Variants in TTC34 observed in about 807,000 individuals in gnomAD.
The protein encoded by TTC34 is tetratricopeptide repeat protein 34.
In TTC34, 44 loss-of-function variants were observed where a neutral mutation model predicts 40.7. The observed-to-expected ratio is 1.08, with a 90% CI of 0.85 to 1.39. TTC34 has a LOEUF of 1.39. Ranked by LOEUF, TTC34 falls within the 40% of genes most tolerant of loss-of-function variation. The probability of loss-of-function intolerance (pLI) is 0.00; values close to 1 mark genes in which losing one functional copy is unlikely to be tolerated. For missense variants in TTC34, 884 were observed against 838.0 expected (o/e 1.05, Z -0.68); for synonymous variants, 422 against 398.6 (o/e 1.06, Z -0.70).
At position 2,752,304 on chromosome 1, in the gene TTC34, T is replaced by C. The variant is rs1296242900; in HGVS notation, c.2226+31305A>G. Among the ~76,000 whole-genome samples the C allele has an allele frequency of 1.8e-4, 20 of 113,160 alleles. 3 individuals carry two copies. The South Asian group carries it at 2.2e-3, about 13-fold the overall frequency. 74.2% of individuals were successfully genotyped at this position (113,160 alleles called of 152,430 possible). Reference sequence around the variant, plus strand: ...AGCACCTTGCACCCCCAGGGGAGCATCTGACAGCCTGGAACAGCACGCACA... The same window carrying C: ...AGCACCTTGCACCCCCAGGGGAGCACCTGACAGCCTGGAACAGCACGCACA... On this transcript the variant is annotated intron_variant, in intron 6 of 8. Coordinates refer to ENST00000401095, the Ensembl canonical transcript of TTC34.
At chr1:2,751,692 A>AC (rs1641325860) in intron 6 of TTC34, among the ~76,000 whole-genome samples, 3 of 149,484 alleles carry the variant, frequency 2.0e-5, no homozygotes, top group Non-Finnish European at 3.0e-5. Flanking sequence ...CCACAACCCC[A>AC]AGCGAGCATC....
chr1:2,790,131 C>T (rs1312213377), exon 3 of TTC34: 4 of 398,216 alleles, frequency 1.0e-5, no homozygotes, highest in African/African-American at 4.1e-5. Flanking sequence ...CGCACGGCTT[C>T]CTGGAAGCGG....
intron 4 of TTC34, 22 bp from the exon 5 acceptor site, chr1:2,786,045 T>C (rs1287034421): frequency 6.9e-7 from 1 of 1,443,656 alleles, no homozygotes. Context: ...CCACAGTCAC[T>C]GCCCATGCCC....
intron 6 of TTC34, among the ~76,000 whole-genome samples, chr1:2,781,713 G>A (rs1204189401): frequency 6.6e-6 from 1 of 152,106 alleles, no homozygotes; most frequent in Non-Finnish European, 1.5e-5. Flanking sequence ...AGTTTGTTGA[G>A]TATTCTTATC....
rs1641424193 is a variant in TTC34 at position 2,754,249 on chromosome 1, C to A, written c.2226+29360G>T. Among the ~76,000 whole-genome samples, 2 of 60,460 alleles carry A rather than the reference C, an allele frequency of 3.3e-5. 1 individual carries two copies. Among genetic ancestry groups the A allele is most frequent in the East Asian group, 8.2e-4 (2 of 2,432 alleles). 39.7% of individuals were successfully genotyped at this position (60,460 alleles called of 152,430 possible). A position where few individuals can be genotyped will look rare whatever the true frequency, so the allele number is the denominator to read the frequency against. On this transcript the variant is annotated intron_variant, in intron 6 of 8. Transcript: ENST00000401095. ...GTGAGCATCTGACAGACTGCAACTG[C>A]ACCCCCATGCCCAGGTGAGCCTCTG...
At chr1:2,700,011 A>C (rs1641056324) in intron 6 of TTC34, among the ~76,000 whole-genome samples, 1 of 107,992 alleles carries the variant, frequency 9.3e-6, no homozygotes. Flanking sequence ...CAGCGTCCAC[A>C]CCCCCAGGTG....
chr1:2,652,471 A>T (rs1570753766), intron 6 of TTC34, among the ~76,000 whole-genome samples: 1 of 151,912 alleles, frequency 6.6e-6, no homozygotes, highest in Non-Finnish European at 1.5e-5. Flanking sequence ...GACAGCCTGG[A>T]GCAGAACCCA....
chr1:2,755,802 T>C (rs1207517671), intron 6 of TTC34, among the ~76,000 whole-genome samples: 53 of 46,070 alleles, frequency 1.2e-3, no homozygotes, highest in Admixed American at 1.8e-3. Context: ...GAGCATCTGA[T>C]GGTCTGGAGC....
chr1:2,685,327 GAGC>G, intron 6 of TTC34, among the ~76,000 whole-genome samples: 1 of 130,260 alleles, frequency 7.7e-6, no homozygotes, highest in African/African-American at 3.3e-5. Flanking sequence ...ACCCACAAGC[GAGC>G]ATCTGACAGC....
chr1:2,767,756 G>A (rs1296050539), intron 6 of TTC34, among the ~76,000 whole-genome samples: 1 of 139,280 alleles, frequency 7.2e-6, no homozygotes, highest in African/African-American at 2.6e-5. Flanking sequence ...GAATAAAGCA[G>A]CACCCTGCAC....
chr1:2,769,695 T>C (rs568631079), intron 6 of TTC34, among the ~76,000 whole-genome samples: 16 of 134,712 alleles, frequency 1.2e-4, no homozygotes, highest in African/African-American at 4.7e-4. Flanking sequence ...TCTGACAGTC[T>C]GGAGCAGCAC....
At chr1:2,641,804 C>T in exon 9 of TTC34, 1 of 1,535,214 alleles carries the variant, frequency 6.5e-7, no homozygotes, top group Non-Finnish European at 8.7e-7. Flanking sequence ...ACAGGCACTG[C>T]TGCCACTGGC....
At chr1:2,683,616 T>C (rs1370511349) in intron 6 of TTC34, among the ~76,000 whole-genome samples, 1 of 142,044 alleles carries the variant, frequency 7.0e-6, no homozygotes, top group Non-Finnish European at 1.5e-5. Context: ...TCTGACATCC[T>C]TCAGCAGCAC....
intron 6 of TTC34, among the ~76,000 whole-genome samples, chr1:2,687,890 C>G (rs1338839887): frequency 1.3e-5 from 2 of 149,854 alleles, no homozygotes; most frequent in African/African-American, 4.9e-5. Flanking sequence ...CCCACATCCC[C>G]AGGTGAGCAT....
At position 2,655,072 on chromosome 1, in the gene TTC34, C is replaced by A. The variant is rs1411611928; in HGVS notation, c.2227-9509G>T. ...GCTGCACCCCCAAGTGAGCACCTGACAGCCTGGAGCAGCAACCACACCCCC... is the reference window on the plus strand; with the variant it reads ...GCTGCACCCCCAAGTGAGCACCTGAAAGCCTGGAGCAGCAACCACACCCCC... On this transcript the variant is annotated intron_variant, in intron 6 of 8. Coordinates refer to ENST00000401095, the Ensembl canonical transcript of TTC34. Among the ~76,000 whole-genome samples, 8 of 150,780 alleles carry A rather than the reference C, an allele frequency of 5.3e-5. No individual in the cohort carries two copies. In the East Asian group the frequency reaches 8.0e-4, roughly 15 times the overall value.
chr1:2,641,588 G>A (rs1247495547), exon 9 of TTC34: 19 of 1,532,888 alleles, frequency 1.2e-5, no homozygotes, highest in East Asian at 7.3e-5. Context: ...CAAGGAGGGC[G>A]CCAGCTTCAG....
intron 6 of TTC34, among the ~76,000 whole-genome samples, chr1:2,756,671 A>C (rs1641516931): frequency 3.0e-3 from 13 of 4,290 alleles, no homozygotes; most frequent in Admixed American, 6.3e-3. Flanking sequence ...CCACACCCCC[A>C]GGTGAGCAGC....
At chr1:2,683,844 A>G (rs779041482) in intron 6 of TTC34, among the ~76,000 whole-genome samples, 129 of 67,316 alleles carry the variant, frequency 1.9e-3, no homozygotes, top group Middle Eastern at 0.024. Context: ...CCCCAGGTGA[A>G]CATCCGACAG....
At chr1:2,753,286 C>T (rs1450534896) in intron 6 of TTC34, among the ~76,000 whole-genome samples, 51 of 111,454 alleles carry the variant, frequency 4.6e-4, no homozygotes, top group Non-Finnish European at 6.1e-4. Context: ...CCTGGAACAG[C>T]ACCCTGCACA....
Sources: gnomAD v4.1 joint callset for allele counts (sites outside exome capture counted in the v4.1 genomes callset) on GRCh38, gnomAD v4.1.1 for gene constraint, MANE v1.5 for transcripts, NCBI Gene and HGNC (gene_info 2026-07-23, HGNC 2026-07-21) for gene names.